The following MYRIP variants were observed in gnomAD, a reference collection of about 807,000 sequenced individuals.
MYRIP encodes rab effector MyRIP.
A neutral mutation model predicts 98.0 loss-of-function variants in MYRIP; 49 were observed. That is an observed-to-expected ratio of 0.50 (90% CI 0.40 to 0.63). The LOEUF is 0.63. MYRIP is among the 30% of genes least tolerant of loss of function. The pLI, the probability that MYRIP is intolerant of heterozygous loss-of-function variation, is 0.00. For synonymous variants in MYRIP, 404 were observed against 409.5 expected (o/e 0.99, Z 0.16); for missense variants, 1,004 against 1,058.2 (o/e 0.95, Z 0.71).
intron 3 of MYRIP, among the ~76,000 whole-genome samples, chr3:40,078,676 AAG>A (rs1173322791): frequency 6.6e-6 from 1 of 152,184 alleles, no homozygotes; most frequent in Non-Finnish European, 1.5e-5. Flanking sequence ...AACTGCTGGT[AAG>A]AGAGACTAGT....
intron 3 of MYRIP, among the ~76,000 whole-genome samples, chr3:40,088,713 G>A (rs569566974): frequency 6.6e-6 from 1 of 152,218 alleles, no homozygotes; most frequent in East Asian, 1.9e-4. Flanking sequence ...GCTGGAGCCT[G>A]TGGCTGGGAA....
intron 1 of MYRIP, among the ~76,000 whole-genome samples, chr3:39,843,639 A>G (rs1941873643): frequency 6.6e-6 from 1 of 152,154 alleles, no homozygotes; most frequent in South Asian, 2.1e-4. Flanking sequence ...GGTTAATGGG[A>G]GGAAACTGGC....
At chr3:39,835,777 T>C (rs186222857) in intron 1 of MYRIP, among the ~76,000 whole-genome samples, 1 of 152,254 alleles carries the variant, frequency 6.6e-6, no homozygotes, top group East Asian at 1.9e-4. Flanking sequence ...CAGTGTGTGA[T>C]ATTCCCCTCC....
At position 40,019,946 on chromosome 3, in the gene MYRIP, T is replaced by A. The variant is rs373492573; in HGVS notation, c.111-24104T>A. On this transcript the variant is annotated intron_variant, in intron 2 of 16. Transcript: ENST00000302541. ...GTTTTGAACTGACATCTTTTAGGAT[T>A]ATTTTAAAGTTCCTTCTGTATTTGA... is the stretch of plus-strand genomic sequence containing the variant. Among the ~76,000 whole-genome samples the A allele has an allele frequency of 7.2e-4, 110 of 152,332 alleles. 2 individuals carry two copies. The South Asian group carries it at 0.022, about 31-fold the overall frequency.
intron 10 of MYRIP, among the ~76,000 whole-genome samples, chr3:40,190,944 A>C (rs1393561551): frequency 6.6e-6 from 1 of 152,204 alleles, no homozygotes; most frequent in Non-Finnish European, 1.5e-5. Flanking sequence ...CCTCATCTGT[A>C]AAATGAAGAT....
At chr3:40,223,574 C>A (rs2125687880) in intron 11 of MYRIP, among the ~76,000 whole-genome samples, 1 of 152,298 alleles carries the variant, frequency 6.6e-6, no homozygotes, top group Non-Finnish European at 1.5e-5. Flanking sequence ...TCTTAATTTT[C>A]ACCCCAATGA....
chr3:39,824,519 A>G (rs1941207470), intron 1 of MYRIP, among the ~76,000 whole-genome samples: 1 of 151,620 alleles, frequency 6.6e-6, no homozygotes, highest in Non-Finnish European at 1.5e-5. Flanking sequence ...TATTCTCTTC[A>G]ATTTCTTTTT....
At chr3:39,932,143 A>C (rs1944552923) in intron 2 of MYRIP, among the ~76,000 whole-genome samples, 1 of 152,186 alleles carries the variant, frequency 6.6e-6, no homozygotes, top group Admixed American at 6.6e-5. Context: ...AAAGCCAGGC[A>C]TTCCAGAAGA....
At chr3:40,048,574 G>A (rs552849471) in intron 3 of MYRIP, among the ~76,000 whole-genome samples, 1 of 152,188 alleles carries the variant, frequency 6.6e-6, no homozygotes, top group Admixed American at 6.5e-5. Context: ...GACCCAGACA[G>A]TGTCAAGTCT....
chr3:40,073,425 G>C (rs1948271916), intron 3 of MYRIP, among the ~76,000 whole-genome samples: 2 of 152,154 alleles, frequency 1.3e-5, no homozygotes. Context: ...TTGCTTATCT[G>C]GTTTCCCAAT....
chr3:39,986,516 A>C (rs1946036269), intron 2 of MYRIP, among the ~76,000 whole-genome samples: 1 of 151,944 alleles, frequency 6.6e-6, no homozygotes, highest in Non-Finnish European at 1.5e-5. Context: ...TGTGAAAGGC[A>C]AACAGACCTG....
intron 2 of MYRIP, among the ~76,000 whole-genome samples, chr3:39,967,182 T>A (rs1424116340): frequency 1.3e-5 from 2 of 152,280 alleles, no homozygotes; most frequent in East Asian, 3.9e-4. Flanking sequence ...AGAGATTATA[T>A]CATCATGCAG....
At chr3:40,176,629 G>C (rs1447708079) in intron 8 of MYRIP, among the ~76,000 whole-genome samples, 1 of 151,948 alleles carries the variant, frequency 6.6e-6, no homozygotes, top group Non-Finnish European at 1.5e-5. Context: ...TGGGCACCCA[G>C]GTGCCCAGGT....
chr3:40,109,146 G>C (rs549217699), intron 3 of MYRIP, among the ~76,000 whole-genome samples: 46 of 151,884 alleles, frequency 3.0e-4, no homozygotes, highest in Non-Finnish European at 5.3e-4. Context: ...TATACTTTAA[G>C]TTCTAGGGTA....
At chr3:39,845,414 C>A (rs144989923) in intron 1 of MYRIP, among the ~76,000 whole-genome samples, 4 of 152,240 alleles carry the variant, frequency 2.6e-5, no homozygotes, top group African/African-American at 9.6e-5. Flanking sequence ...TTTATTTTCT[C>A]ATTTTTTAAA....
chr3:40,150,967 G>A (rs902363884), intron 3 of MYRIP, 81 bp from the exon 4 acceptor site: 2 of 1,290,260 alleles, frequency 1.6e-6, no homozygotes, highest in Non-Finnish European at 2.1e-6. Context: ...TTGATGGATG[G>A]AGCTGTGAAG....
chr3:40,014,485 G>A (rs1946819917), intron 2 of MYRIP, among the ~76,000 whole-genome samples: 1 of 152,170 alleles, frequency 6.6e-6, no homozygotes, highest in African/African-American at 2.4e-5. Flanking sequence ...TTCTGAGGAT[G>A]TCATGGAGCA....
chr3:40,205,736 CAGTG>C (rs1951774952), intron 10 of MYRIP, among the ~76,000 whole-genome samples: 1 of 152,242 alleles, frequency 6.6e-6, no homozygotes, highest in African/African-American at 2.4e-5. Flanking sequence ...CTGTCCAACA[CAGTG>C]AGTATGTTTG....
chr3:39,885,179 T>G (rs924813997), intron 1 of MYRIP, among the ~76,000 whole-genome samples: 21 of 152,076 alleles, frequency 1.4e-4, no homozygotes, highest in African/African-American at 4.8e-4. Context: ...TTTTGTGAAC[T>G]CTATTTCCTT....
Sources: allele counts gnomAD v4.1 joint callset (sites outside exome capture counted in the v4.1 genomes callset), GRCh38; gene constraint gnomAD v4.1.1; transcripts MANE v1.5; gene names NCBI Gene and HGNC (gene_info 2026-07-23, HGNC 2026-07-21).